KPNB1: variants seen among roughly 807,000 people sequenced by gnomAD.
KPNB1 encodes the protein importin subunit beta-1.
A neutral mutation model predicts 113.0 loss-of-function variants in KPNB1; 7 were observed. The ratio of observed to expected loss-of-function variants is 0.06; its 90% CI spans 0.04 to 0.12. The LOEUF (loss-of-function observed/expected upper bound fraction) is 0.12, where lower values mean the gene tolerates loss of function less well. KPNB1 is among the 10% of genes least tolerant of loss of function. The pLI is 1.00. For synonymous variants in KPNB1, 363 were observed against 378.6 expected, an observed-to-expected ratio of 0.96 and a Z score of 0.48; for missense variants, 400 against 1,054.8, an observed-to-expected ratio of 0.38 and a Z score of 8.60.
chr17:47,672,382 T>C (rs1302412795), intron 12 of KPNB1, among the ~76,000 whole-genome samples: 2 of 152,004 alleles, frequency 1.3e-5, no homozygotes, highest in Non-Finnish European at 2.9e-5. Context: ...CTTTTTTAAA[T>C]GAATGAAGAA....
chr17:47,662,718 C>G (rs1365357566), intron 6 of KPNB1, among the ~76,000 whole-genome samples: 1 of 152,006 alleles, frequency 6.6e-6, no homozygotes, highest in African/African-American at 2.4e-5. Flanking sequence ...CCCGTCTCTA[C>G]TAAAAATACA....
chr17:47,667,839 T>C (rs1408590364), intron 9 of KPNB1, among the ~76,000 whole-genome samples: 2 of 152,206 alleles, frequency 1.3e-5, no homozygotes, highest in Non-Finnish European at 2.9e-5. Context: ...ATTACAGGCA[T>C]GAGCCACCGC....
At position 47,673,140 on chromosome 17, in the gene KPNB1, G is replaced by A; in HGVS notation, c.1670G>A (p.Arg557Gln). The change falls in exon 13 of 22, where the codon CGA (arginine) becomes CAA (glutamine). Residue 557 changes from arginine to glutamine, a missense_variant. Physicochemically the swap from Arg to Gln is conservative, Grantham distance 43. Transcript: ENST00000290158. ...VQKTTLVIME[R>Q]LQQVLQMESH... ...AAAACGACTTTGGTCATCATGGAACGACTGCAACAGGTTCTTCAGATGGAG... is the reference window on the plus strand; with the variant it reads ...AAAACGACTTTGGTCATCATGGAACAACTGCAACAGGTTCTTCAGATGGAG... 2 of 1,614,134 alleles carry A rather than the reference G, an allele frequency of 1.2e-6. No individual in the cohort carries two copies. The highest frequency in any genetic ancestry group is 1.7e-6 in the Non-Finnish European group (2 of 1,180,018).
chr17:47,668,200 T>C lies in KPNB1; in HGVS notation c.1014T>C (p.Asp338=), dbSNP rs369957359. ...TCTTTCACCAGGACGAAAATGATGA[T>C]GACGATGACTGGAACCCCTGCAAAG... ...QTLTKQDEND[D]DDDWNPCKAA... The change falls in exon 10 of 22, where the codon GAT becomes GAC. Residue 338 remains aspartate, a synonymous_variant. Coordinates refer to ENST00000290158, the MANE Select transcript of KPNB1 (RefSeq NM_002265.6). The C allele has an allele frequency of 6.2e-6, 10 of 1,613,474 alleles. 1 individual carries two copies. The highest frequency in any genetic ancestry group is 2.7e-5 in the African/African-American group (2 of 74,934).
Position 47,680,677 on chromosome 17 carries a change from C to G in KPNB1, c.2630+8C>G. On this transcript the variant is annotated splice_region_variant and intron_variant, in intron 21 of 21. Coordinates refer to ENST00000290158, the MANE Select transcript of KPNB1 (RefSeq NM_002265.6). ...ACTGAAGAACCAAGCTTGGTAAGATCTTGCCTCCACTGTCCTCTTTCTTCT... is the reference window on the plus strand; with the variant it reads ...ACTGAAGAACCAAGCTTGGTAAGATGTTGCCTCCACTGTCCTCTTTCTTCT... The G allele has an allele frequency of 6.2e-7, 1 of 1,612,240 alleles. No individual in the cohort carries two copies. The highest frequency in any genetic ancestry group is 2.2e-5 in the East Asian group (1 of 44,838).
chr17:47,661,051 G>A (rs2030077967), intron 5 of KPNB1, 68 bp from the exon 6 acceptor site: 1 of 1,252,072 alleles, frequency 8.0e-7, no homozygotes, highest in African/African-American at 1.5e-5. Context: ...CTTGTAGAGG[G>A]AGTCTGGAAA....
At chr17:47,681,390 C>A (rs1041333846) in intron 21 of KPNB1, among the ~76,000 whole-genome samples, 4 of 151,648 alleles carry the variant, frequency 2.6e-5, no homozygotes, top group Admixed American at 1.3e-4. Context: ...GCCTCAGCCT[C>A]CTGAGTAGCT....
In KPNB1 at chr17:47,673,031, C is replaced by G; in HGVS notation, c.1561C>G (p.Gln521Glu). ...TGTTCTTTACAGACCTGATGGACAC[C>G]AGAACAACCTGAGGAGTTCTGCATA... ...LETTDRPDGH[Q>E]NNLRSSAYES... is the part of the protein sequence containing the mutation. Residue 521 changes from glutamine to glutamate, a missense_variant, in exon 13 of 22, where the codon CAG becomes GAG. Around this residue, in one of 2 missense-constraint regions of KPNB1, gnomAD observed 115 missense variants for 427.9 expected, o/e 0.27. Coordinates refer to ENST00000290158, the MANE Select transcript of KPNB1 (RefSeq NM_002265.6). The G allele has an allele frequency of 6.2e-7, 1 of 1,613,684 alleles. No homozygotes were observed. Among genetic ancestry groups the G allele is most frequent in the South Asian group, 1.1e-5 (1 of 91,032 alleles).
chr17:47,681,686 G>GTTTGTT (rs1567896578), intron 21 of KPNB1, among the ~76,000 whole-genome samples: 25 of 96,032 alleles, frequency 2.6e-4, no homozygotes, highest in Non-Finnish European at 4.2e-4. Flanking sequence ...GGAATTATAG[G>GTTTGTT]TTTTTTTTTT....
In KPNB1 at chr17:47,674,724, A is replaced by G. The variant is rs1301380750; in HGVS notation, c.1854A>G (p.Thr618=). The change falls in exon 15 of 22, where the codon ACA becomes ACG. Residue 618 remains threonine, a synonymous_variant. Coordinates refer to ENST00000290158, the MANE Select transcript of KPNB1 (RefSeq NM_002265.6). Reference sequence around the variant, plus strand: ...CCCTGTTAAGGATGTTCCAAAGCACAGCTGGGTCTGGGGGAGTACAAGAGG... The same window carrying G: ...CCCTGTTAAGGATGTTCCAAAGCACGGCTGGGTCTGGGGGAGTACAAGAGG... ...MASLLRMFQS[T]AGSGGVQEDA... is the part of the protein sequence containing the mutation. The G allele has an allele frequency of 1.2e-6, 2 of 1,614,104 alleles. No homozygotes were observed. The highest frequency in any genetic ancestry group is 1.7e-6 in the Non-Finnish European group (2 of 1,180,032).
At position 47,675,365 on chromosome 17, in the gene KPNB1, T is replaced by TTTTTTG. The variant is rs2030572724; in HGVS notation, c.1912+588_1912+589insGTTTTT. 1.8e-5 allele frequency among the ~76,000 whole-genome samples: 2 copies of TTTTTTG among 114,108 alleles called. 1 individual carries two copies. Among genetic ancestry groups the TTTTTTG allele is most frequent in the Non-Finnish European group, 3.6e-5 (2 of 55,356 alleles). The allele number at this position is 114,108 out of a possible 152,430, so 74.9% of individuals were successfully genotyped here. On this transcript the variant is annotated intron_variant, in intron 15 of 21. Coordinates refer to ENST00000290158, the MANE Select transcript of KPNB1 (RefSeq NM_002265.6). ...ACGGAGATTGGCAGAGGTGTTGTTT[T>TTTTTTG]TTTTTTGTTTTTTTTTTTTGTTTGT...
At chr17:47,678,852 C>T (rs1261141807) in intron 19 of KPNB1, among the ~76,000 whole-genome samples, 1 of 152,242 alleles carries the variant, frequency 6.6e-6, no homozygotes, top group African/African-American at 2.4e-5. Flanking sequence ...AATTGATCCA[C>T]CCGCCTTGGT....
rs1597918628 is a variant in KPNB1 at position 47,649,981 on chromosome 17, A to G, written c.-264A>G. ...TCCTTCTTTCTCCCTCCGCCTCCCG[A>G]GCACCAGCGCGCTCTGAGCTGCCCC... On this transcript the variant is annotated 5_prime_UTR_variant, in exon 1 of 22. Transcript: ENST00000290158. 6 of 1,310,262 alleles carry G rather than the reference A, an allele frequency of 4.6e-6. No homozygotes were observed. The highest frequency in any genetic ancestry group is 4.0e-5 in the Admixed American group (1 of 24,904). 81.2% of individuals were successfully genotyped at this position (1,310,262 alleles called of 1,614,324 possible). A position where few individuals can be genotyped will look rare whatever the true frequency, so the allele number is the denominator to read the frequency against.
intron 3 of KPNB1, among the ~76,000 whole-genome samples, chr17:47,654,527 A>G (rs1915667133): frequency 6.6e-6 from 1 of 152,134 alleles, no homozygotes; most frequent in Non-Finnish European, 1.5e-5. Context: ...TAGCACAACG[A>G]TAACTAATAC....
At chr17:47,650,483 C>T (rs1469168649) in intron 2 of KPNB1, 39 bp downstream of exon 2, 9 of 1,578,968 alleles carry the variant, frequency 5.7e-6, no homozygotes, top group African/African-American at 2.7e-5. Flanking sequence ...GCCGCGTCCC[C>T]ATCCCCTGCG....
intron 6 of KPNB1, among the ~76,000 whole-genome samples, chr17:47,662,530 A>G (rs1405882724): frequency 1.3e-5 from 2 of 151,448 alleles, no homozygotes; most frequent in Non-Finnish European, 2.9e-5. Flanking sequence ...AGCCGTGATC[A>G]TGGCCACTAT....
In KPNB1 at chr17:47,678,339, A is replaced by G. The variant is rs763268738; in HGVS notation, c.2279A>G (p.Glu760Gly). ...TATGACATGGTGGATTATCTGAATG[A>G]GCTAAGGGAAAGCTGCTTGGAAGCC... ...SDYDMVDYLN[E>G]LRESCLEAYT... The change falls in exon 19 of 22, where the codon GAG becomes GGG. Residue 760 changes from glutamate (E) to glycine (G), a missense_variant. By Grantham distance (98) the Glu-to-Gly change is moderately conservative. Around this residue, in one of 2 missense-constraint regions of KPNB1, gnomAD observed 115 missense variants for 427.9 expected, o/e 0.27. Coordinates refer to ENST00000290158, the MANE Select transcript of KPNB1 (RefSeq NM_002265.6). 1 of 1,614,140 alleles carries G rather than the reference A, an allele frequency of 6.2e-7. No homozygotes were observed. Among genetic ancestry groups the G allele is most frequent in the South Asian group, 1.1e-5 (1 of 91,084 alleles).
intron 9 of KPNB1, 66 bp from the exon 10 acceptor site, chr17:47,668,120 G>A: frequency 7.8e-7 from 1 of 1,285,692 alleles, no homozygotes; most frequent in Non-Finnish European, 1.1e-6. Context: ...AGAGTAGTCA[G>A]AGGACCTTTA....
chr17:47,650,171 T>A lies in KPNB1; in HGVS notation c.-74T>A. On this transcript the variant is annotated 5_prime_UTR_variant, in exon 1 of 22. Transcript: ENST00000290158. ...CTTCCCACCCGACCCCCAACCCCCA[T>A]CCCCAGTTCGAGCCGCCGCCCGAAA... 1 of 715,308 alleles carries A rather than the reference T, an allele frequency of 1.4e-6. No individual in the cohort carries two copies. The highest frequency in any genetic ancestry group is 1.7e-6 in the Non-Finnish European group (1 of 603,158). 44.3% of individuals were successfully genotyped at this position (715,308 alleles called of 1,614,324 possible).
Sources: gnomAD v4.1 joint callset for allele counts (sites outside exome capture counted in the v4.1 genomes callset) on GRCh38, gnomAD v4.1.1 for gene constraint, gnomAD v4.1.1 regional missense constraint, MANE v1.5 for transcripts, NCBI Gene and HGNC (gene_info 2026-07-23, HGNC 2026-07-21) for gene names.